The following ABLIM1 variants were observed in gnomAD, a reference collection of about 807,000 sequenced individuals.
ABLIM1 encodes actin-binding LIM protein 1.
Under a neutral mutation model 107.0 loss-of-function variants are expected in ABLIM1, and 40 were observed. That is an observed-to-expected ratio of 0.37 (90% CI 0.29 to 0.49). The LOEUF is 0.49. Ranked by LOEUF, ABLIM1 falls within the 20% of genes least tolerant of loss-of-function variation. The pLI, the probability that ABLIM1 is intolerant of heterozygous loss-of-function variation, is 0.97. For synonymous variants in ABLIM1, 357 were observed against 357.3 expected (o/e 1.00, Z 0.01); for missense variants, 857 against 1,008.5 (o/e 0.85, Z 2.04).
chr10:114,650,502 T>C (rs756206046), intron 1 of ABLIM1, among the ~76,000 whole-genome samples: 12 of 152,200 alleles, frequency 7.9e-5, no homozygotes, highest in Non-Finnish European at 1.8e-4. Flanking sequence ...GGAAGTAATT[T>C]ACATGGGAAC....
At chr10:114,502,780 G>C (rs1278487660) in intron 6 of ABLIM1, among the ~76,000 whole-genome samples, 4 of 152,134 alleles carry the variant, frequency 2.6e-5, no homozygotes, top group African/African-American at 9.7e-5. Context: ...ATTTATTGCA[G>C]TATAGCATTG....
chr10:114,547,103 T>C (rs2067449739), intron 5 of ABLIM1, among the ~76,000 whole-genome samples: 1 of 152,112 alleles, frequency 6.6e-6, no homozygotes, highest in Non-Finnish European at 1.5e-5. Flanking sequence ...AAAATTTTTT[T>C]TAAGGCATGA....
At chr10:114,790,831 A>G in the ABLIM1 span, among the ~76,000 whole-genome samples, 16 of 152,210 alleles carry the variant, frequency 1.1e-4, no homozygotes, top group African/African-American at 3.6e-4. Flanking sequence ...TTTGCAGTCA[A>G]TTCAAAATCT....
intron 1 of ABLIM1, chr10:114,684,189 A>G (rs2080866829): frequency 8.0e-7 from 1 of 1,242,962 alleles, no homozygotes; most frequent in Non-Finnish European, 1.1e-6. Flanking sequence ...AGTGTAAAAC[A>G]ATTTTATCAA....
chr10:114,464,184 A>AT (rs1222001152), intron 12 of ABLIM1, among the ~76,000 whole-genome samples: 12,407 of 131,350 alleles, frequency 0.094, 694 homozygotes, highest in East Asian at 0.16. Flanking sequence ...AGCATAAAGG[A>AT]TTTTTTTTTT....
chr10:114,473,773 A>T, intron 9 of ABLIM1, 106 bp downstream of exon 9: 1 of 855,532 alleles, frequency 1.2e-6, no homozygotes, highest in Non-Finnish European at 1.9e-6. Flanking sequence ...CATAACAAAA[A>T]TAGAAATCAC....
intron 2 of ABLIM1, among the ~76,000 whole-genome samples, chr10:114,587,965 T>C (rs1029847101): frequency 5.3e-5 from 8 of 152,178 alleles, no homozygotes; most frequent in African/African-American, 1.9e-4. Flanking sequence ...ATGTTATGTA[T>C]ACCTTTCAAC....
At chr10:114,456,683 A>G (rs1314530051) in intron 12 of ABLIM1, among the ~76,000 whole-genome samples, 2 of 152,212 alleles carry the variant, frequency 1.3e-5, no homozygotes, top group Admixed American at 6.5e-5. Flanking sequence ...GCAGGACACA[A>G]ACTTTAAGGT....
chr10:114,509,649 T>A (rs2061587144), intron 6 of ABLIM1, among the ~76,000 whole-genome samples: 1 of 152,240 alleles, frequency 6.6e-6, no homozygotes, highest in South Asian at 2.1e-4. Flanking sequence ...TTTTCTAACC[T>A]TGGCATTCAA....
At chr10:114,792,004 T>C in the ABLIM1 span, among the ~76,000 whole-genome samples, 4 of 152,316 alleles carry the variant, frequency 2.6e-5, no homozygotes, top group East Asian at 5.8e-4. Context: ...AATGTGGAAA[T>C]GAGGAAACGG....
upstream of ABLIM1, among the ~76,000 whole-genome samples, chr10:114,771,242 A>T (rs1393203406): frequency 6.6e-6 from 1 of 152,184 alleles, no homozygotes; most frequent in Non-Finnish European, 1.5e-5. Flanking sequence ...TAATGAACAG[A>T]TCTTACTCTT....
intron 4 of ABLIM1, among the ~76,000 whole-genome samples, chr10:114,555,067 C>T (rs373597358): frequency 5.3e-5 from 8 of 152,290 alleles, no homozygotes; most frequent in East Asian, 3.9e-4. Flanking sequence ...CTGATACCTG[C>T]GATAATCTAA....
intron 4 of ABLIM1, among the ~76,000 whole-genome samples, chr10:114,566,450 CCT>C (rs1246213357): frequency 2.0e-5 from 3 of 152,160 alleles, no homozygotes; most frequent in African/African-American, 7.2e-5. Context: ...GAATCCAGCC[CCT>C]CTCTCCATTA....
chr10:114,784,807 A>C, the ABLIM1 span, among the ~76,000 whole-genome samples: 1 of 152,048 alleles, frequency 6.6e-6, no homozygotes, highest in Admixed American at 6.6e-5. Context: ...AGAGGGTAGA[A>C]TCTGAACCCA....
At chr10:114,528,013 T>A (rs1393941529) in intron 6 of ABLIM1, among the ~76,000 whole-genome samples, 2 of 152,032 alleles carry the variant, frequency 1.3e-5, no homozygotes, top group African/African-American at 4.8e-5. Flanking sequence ...AATTTTTGTA[T>A]TTTTAGTAGA....
At chr10:114,526,908 T>C in intron 6 of ABLIM1, 1 of 985,506 alleles carries the variant, frequency 1.0e-6, no homozygotes, top group Non-Finnish European at 1.2e-6. Context: ...AGGCACGCTC[T>C]CTCACGCCTC....
the ABLIM1 span, among the ~76,000 whole-genome samples, chr10:114,780,798 G>T: frequency 1.3e-5 from 2 of 152,252 alleles, no homozygotes; most frequent in African/African-American, 2.4e-5. Context: ...GTAAAACAAG[G>T]CCTAGGAGTT....
rs369200071 is a variant in ABLIM1 at position 114,491,893 on chromosome 10, G to T, written c.895-15C>A. Reference sequence around the variant, plus strand: ...TTGTCACCTGCCTGCAAGAGAAAAGGTAGGGAACGTTGAGTCTGCTCCTTG... The same window carrying T: ...TTGTCACCTGCCTGCAAGAGAAAAGTTAGGGAACGTTGAGTCTGCTCCTTG... On this transcript the variant is annotated splice_polypyrimidine_tract_variant and intron_variant, in intron 6 of 22. Transcript: ENST00000533213. The T allele has an allele frequency of 4.1e-5, 66 of 1,596,790 alleles. 1 individual carries two copies. The South Asian group carries it at 6.8e-4, about 16-fold the overall frequency.
In ABLIM1 at chr10:114,682,417, G is replaced by A. The variant is rs549624264; in HGVS notation, c.64+1873C>T. 2.0e-3 allele frequency among the ~76,000 whole-genome samples: 297 copies of A among 152,188 alleles called. 1 individual carries two copies. Among genetic ancestry groups the A allele is most frequent in the Middle Eastern group, 3.4e-3 (1 of 294 alleles). On this transcript the variant is annotated intron_variant, in intron 1 of 23. Coordinates refer to the ABLIM1 transcript ENST00000369256. ...AAAACATCCGGGAACCAGCTACTGA[G>A]AATAATAAATAAAATGTAAGCAGGG...
Sources: gnomAD v4.1 joint callset for allele counts (sites outside exome capture counted in the v4.1 genomes callset) on GRCh38, gnomAD v4.1.1 for gene constraint, MANE v1.5 for transcripts, NCBI Gene and HGNC (gene_info 2026-07-23, HGNC 2026-07-21) for gene names.